The following TPI1 variants were observed in gnomAD, a reference collection of about 807,000 sequenced individuals.
TPI1 encodes the protein triosephosphate isomerase 1.
In TPI1, 11 loss-of-function variants were observed where a neutral mutation model predicts 31.0. That is an observed-to-expected ratio of 0.36 (90% CI 0.22 to 0.59). The LOEUF is 0.59. TPI1 is among the 20% of genes least tolerant of loss of function. The pLI is 0.79. For missense variants in TPI1, 245 were observed against 319.7 expected (o/e 0.77, Z 1.78); for synonymous variants, 121 against 122.8 (o/e 0.99, Z 0.10).
Position 6,867,700 on chromosome 12 carries a change from GGGGTCTGGCCGGGCCGGGGCC to G in TPI1, c.115+23_115+43del. The G allele has an allele frequency of 6.3e-7, 1 of 1,595,870 alleles. No homozygotes were observed. Among genetic ancestry groups the G allele is most frequent in the African/African-American group, 1.4e-5 (1 of 73,592 alleles). On this transcript the variant is annotated intron_variant, in intron 1 of 6. Transcript: ENST00000396705. ...GACACCGGTAAGCCCTCGCCGAGGAGGGGTCTGGCCGGGCCGGGGCCGGGGCCGGGGCAGGAGTGGCAGCGC... is the reference window on the plus strand; with the variant it reads ...GACACCGGTAAGCCCTCGCCGAGGAGGGGGCCGGGGCAGGAGTGGCAGCGC...
At chr12:6,868,566 C>G in intron 1 of TPI1, 3 of 1,310,602 alleles carry the variant, frequency 2.3e-6, no homozygotes, top group South Asian at 2.9e-5. Flanking sequence ...AATGCTGAGT[C>G]TGTGAGGTGC....
At position 6,869,792 on chromosome 12, in the gene TPI1, C is replaced by G. The variant is rs1315173702; in HGVS notation, c.543+19C>G. ...CCAACAGGTAACCGGGCCCAGGAGC[C>G]CTGCCCTCATCCCAGCCTGCCTCAA... On this transcript the variant is annotated intron_variant, in intron 5 of 6. Coordinates refer to ENST00000396705, the MANE Select transcript of TPI1 (RefSeq NM_000365.6). 5 of 1,613,670 alleles carry G rather than the reference C, an allele frequency of 3.1e-6. No homozygotes were observed. The highest frequency in any genetic ancestry group is 1.3e-5 in the African/African-American group (1 of 74,908).
intron 1 of TPI1, chr12:6,868,241 C>A: frequency 7.8e-7 from 1 of 1,287,726 alleles, no homozygotes; most frequent in Non-Finnish European, 1.0e-6. Context: ...GCCAAACAGG[C>A]TGAGCGATTT....
At chr12:6,870,238 C>G in intron 6 of TPI1, 27 bp from the exon 7 acceptor site, 1 of 1,609,866 alleles carries the variant, frequency 6.2e-7, no homozygotes, top group South Asian at 1.1e-5. Flanking sequence ...CATTCTTGAC[C>G]AAGCCCTTGT....
chr12:6,869,785 CAGG>C lies in TPI1; in HGVS notation c.543+15_543+17del, dbSNP rs781850501. On this transcript the variant is annotated intron_variant, in intron 5 of 6. Coordinates refer to ENST00000396705, the MANE Select transcript of TPI1 (RefSeq NM_000365.6). ...CAACACCCCAACAGGTAACCGGGCC[CAGG>C]AGCCCTGCCCTCATCCCAGCCTGCC... 1.5e-5 allele frequency: 25 copies of C among 1,613,966 alleles called. No homozygotes were observed. Among genetic ancestry groups the C allele is most frequent in the Non-Finnish European group, 1.7e-5 (20 of 1,179,972 alleles).
chr12:6,868,771 G>A (rs1273110145), intron 1 of TPI1, 93 bp from the exon 2 acceptor site: 15 of 1,529,624 alleles, frequency 9.8e-6, no homozygotes, highest in Non-Finnish European at 1.3e-5. Context: ...AGAAGAGGGT[G>A]AGGGCTGGGG....
intron 1 of TPI1, chr12:6,868,125 C>T (rs1277017702): frequency 1.6e-6 from 2 of 1,272,200 alleles, no homozygotes; most frequent in Non-Finnish European, 2.0e-6. Context: ...TCGCCGGCGT[C>T]CGCGTCCCCG....
chr12:6,868,906 G>A lies in TPI1; in HGVS notation c.158G>A (p.Arg53Gln), dbSNP rs369720680. The change falls in exon 2 of 7, where the codon CGG becomes CAG. Residue 53 changes from arginine (R) to glutamine (Q), a missense_variant. By Grantham distance (43) the Arg-to-Gln change is conservative (BLOSUM62 1). Coordinates refer to ENST00000396705, the MANE Select transcript of TPI1 (RefSeq NM_000365.6). Reference sequence around the variant, plus strand: ...CCTACTGCCTATATCGACTTCGCCCGGCAGAAGCTAGATCCCAAGATTGCT... The same window carrying A: ...CCTACTGCCTATATCGACTTCGCCCAGCAGAAGCTAGATCCCAAGATTGCT... ...APPTAYIDFA[R>Q]QKLDPKIAVA... 3.7e-6 allele frequency: 6 copies of A among 1,613,870 alleles called. No homozygotes were observed. In the African/African-American group the frequency reaches 4.0e-5, roughly 11 times the overall value.
In TPI1 at chr12:6,870,715, A is replaced by G. The variant is rs1555132925; in HGVS notation, c.*332A>G. 1 of 560,860 alleles carries G rather than the reference A, an allele frequency of 1.8e-6. No individual in the cohort carries two copies. Among genetic ancestry groups the G allele is most frequent in the Non-Finnish European group, 3.4e-6 (1 of 289,864 alleles). 34.7% of individuals were successfully genotyped at this position (560,860 alleles called of 1,614,324 possible). A position where few individuals can be genotyped will look rare whatever the true frequency, so the allele number is the denominator to read the frequency against. The stretch of plus-strand genomic sequence containing the variant: ...GAGAAACCATCCTCTCCCTTCTTAC[A>G]CCGTGAGGCCAAGATCCCCTCAGAA... On this transcript the variant is annotated 3_prime_UTR_variant, in exon 7 of 7. Transcript: ENST00000396705.
intron 1 of TPI1, chr12:6,867,993 G>A (rs1555131699): frequency 1.8e-6 from 2 of 1,098,848 alleles, no homozygotes; most frequent in South Asian, 3.5e-5. Flanking sequence ...ACGGGGTTAG[G>A]AGCGGAGCCC....
chr12:6,867,782 C>T (rs932764799), intron 1 of TPI1, 101 bp downstream of exon 1: 230 of 1,254,572 alleles, frequency 1.8e-4, no homozygotes, highest in Non-Finnish European at 2.2e-4. Context: ...AGGCCGGTAT[C>T]CGCGCGGACC....
chr12:6,867,710 C>CCG (rs1944488134), intron 1 of TPI1, 29 bp downstream of exon 1: 2 of 1,575,686 alleles, frequency 1.3e-6, no homozygotes, highest in African/African-American at 2.8e-5. Flanking sequence ...GGGGTCTGGC[C>CCG]GGGCCGGGGC....
In TPI1 at chr12:6,867,624, C is replaced by T. The variant is rs1293604714; in HGVS notation, c.58C>T (p.Gln20Ter). ...AAACTGGAAGATGAACGGGCGGAAG[C>T]AGAGTCTGGGGGAGCTCATCGGCAC... is the stretch of plus-strand genomic sequence containing the variant. ...GGNWKMNGRKQSLGELIGTLN... is the reference protein window; with the variant it reads ...GGNWKMNGRK The change falls in exon 1 of 7, where the codon CAG becomes TAG. Residue 20 changes from glutamine to a stop codon, truncating the protein, a stop_gained. Transcript: ENST00000396705. LOFTEE classifies it high-confidence loss of function. 6.2e-7 allele frequency: 1 copy of T among 1,612,968 alleles called. No homozygotes were observed. The highest frequency in any genetic ancestry group is 8.5e-7 in the Non-Finnish European group (1 of 1,179,742).
chr12:6,868,851 A>G lies in TPI1; in HGVS notation c.116-13A>G, dbSNP rs782238701. 365 of 1,610,898 alleles carry G rather than the reference A, an allele frequency of 2.3e-4. 5 individuals carry two copies. The South Asian group carries it at 3.4e-3, about 15-fold the overall frequency. ...TTTAGTCTCATCCCCCTGTGGTACC[A>G]TCTTGTCCTCAGAGGTGGTTTGTGC... On this transcript the variant is annotated splice_polypyrimidine_tract_variant and intron_variant, in intron 1 of 6. Transcript: ENST00000396705.
At chr12:6,869,661 CCCT>C in intron 4 of TPI1, 24 bp from the exon 5 acceptor site, 1 of 1,613,120 alleles carries the variant, frequency 6.2e-7, no homozygotes, top group Non-Finnish European at 8.5e-7. Context: ...GTTCACCCTT[CCCT>C]CCATCTGTAT....
rs782737507 is a variant in TPI1, at chr12:6,870,445, T to C, written c.*62T>C. On this transcript the variant is annotated 3_prime_UTR_variant, in exon 7 of 7. Transcript: ENST00000396705. Reference sequence around the variant, plus strand: ...GGGACTAAGCAGCCCAGAAGCCCAGTAACTGCCCTTTCCCTGCATATGCTT... The same window carrying C: ...GGGACTAAGCAGCCCAGAAGCCCAGCAACTGCCCTTTCCCTGCATATGCTT... 7.9e-7 allele frequency: 1 copy of C among 1,268,494 alleles called. No homozygotes were observed. Among genetic ancestry groups the C allele is most frequent in the Non-Finnish European group, 1.2e-6 (1 of 865,844 alleles). The allele number at this position is 1,268,494 out of a possible 1,614,324, so 78.6% of individuals were successfully genotyped here. A position where few individuals can be genotyped will look rare whatever the true frequency, so the allele number is the denominator to read the frequency against.
chr12:6,869,758 T>C lies in TPI1; in HGVS notation c.528T>C (p.Thr176=), dbSNP rs782307766. 6 of 1,614,100 alleles carry C rather than the reference T, an allele frequency of 3.7e-6. No homozygotes were observed. In the Admixed American group the frequency reaches 5.0e-5, roughly 13 times the overall value. The change falls in exon 5 of 7, where the codon ACT becomes ACC. Residue 176 remains threonine, a synonymous_variant. Coordinates refer to ENST00000396705, the MANE Select transcript of TPI1 (RefSeq NM_000365.6). The part of the protein sequence containing the change: ...EPVWAIGTGK[T]ATPQQAQEVH... ...TGTGGGCCATTGGTACTGGCAAGAC[T>C]GCAACACCCCAACAGGTAACCGGGC...
intron 1 of TPI1, chr12:6,868,078 T>C: frequency 8.1e-7 from 1 of 1,232,100 alleles, no homozygotes; most frequent in Non-Finnish European, 1.0e-6. Flanking sequence ...TCCCGCGCCG[T>C]GCGCCGCCGC....
In TPI1 at chr12:6,869,724, A is replaced by G; in HGVS notation, c.494A>G (p.Tyr165Cys). The change falls in exon 5 of 7, where the codon TAT becomes TGT. Residue 165 changes from tyrosine (Y) to cysteine (C), a missense_variant. This residue lies in a region of TPI1 where 127 missense variants were observed against 163.7 expected (regional missense o/e 0.78). Coordinates refer to ENST00000396705, the MANE Select transcript of TPI1 (RefSeq NM_000365.6). ...GACTGGAGCAAGGTCGTCCTGGCCT[A>G]TGAGCCTGTGTGGGCCATTGGTACT... ...VKDWSKVVLA[Y>C]EPVWAIGTGK... 4 of 1,614,216 alleles carry G rather than the reference A, an allele frequency of 2.5e-6. No individual in the cohort carries two copies. Among genetic ancestry groups the G allele is most frequent in the Non-Finnish European group, 3.4e-6 (4 of 1,180,034 alleles).
Sources: gnomAD v4.1 joint callset for allele counts on GRCh38, gnomAD v4.1.1 for gene constraint, gnomAD v4.1.1 regional missense constraint, MANE v1.5 for transcripts, NCBI Gene and HGNC (gene_info 2026-07-23, HGNC 2026-07-21) for gene names.